Variants in ADAMTS16 observed in about 807,000 individuals in gnomAD.
The protein encoded by ADAMTS16 is A disintegrin and metalloproteinase with thrombospondin motifs 16.
Under a neutral mutation model 145.8 loss-of-function variants are expected in ADAMTS16, and 94 were observed. That is an observed-to-expected ratio of 0.64 (90% CI 0.55 to 0.77). The LOEUF (loss-of-function observed/expected upper bound fraction) is 0.77. ADAMTS16 is among the 30% of genes least tolerant of loss of function. The pLI, the probability that ADAMTS16 is intolerant of heterozygous loss-of-function variation, is 0.00. For synonymous variants in ADAMTS16, 659 were observed against 604.3 expected (o/e 1.09, Z -1.33); for missense variants, 1,585 against 1,591.5 (o/e 1.00, Z 0.07).
chr5:5,141,395 C>A (rs1401941489), intron 2 of ADAMTS16, among the ~76,000 whole-genome samples: 3 of 152,188 alleles, frequency 2.0e-5, no homozygotes, highest in African/African-American at 7.2e-5. Context: ...TTTTTCAATG[C>A]ATGCTTTTAC....
chr5:5,293,746 G>C (rs574105937), intron 18 of ADAMTS16, among the ~76,000 whole-genome samples: 199 of 152,350 alleles, frequency 1.3e-3, no homozygotes, highest in Non-Finnish European at 1.9e-3. Flanking sequence ...GCCAAATTGA[G>C]CGTTTGGTAA....
At chr5:5,234,409 G>T (rs1737031523) in intron 12 of ADAMTS16, among the ~76,000 whole-genome samples, 1 of 152,180 alleles carries the variant, frequency 6.6e-6, no homozygotes, top group African/African-American at 2.4e-5. Flanking sequence ...CCCTGTGCAG[G>T]GTGAGGACAG....
At chr5:5,169,437 C>T (rs1232021565) in intron 3 of ADAMTS16, among the ~76,000 whole-genome samples, 1 of 152,116 alleles carries the variant, frequency 6.6e-6, no homozygotes, top group Non-Finnish European at 1.5e-5. Context: ...ATTTTGTTTT[C>T]CATGTTAGTT....
intron 11 of ADAMTS16, among the ~76,000 whole-genome samples, chr5:5,225,619 G>C (rs948110801): frequency 1.3e-5 from 2 of 151,270 alleles, no homozygotes; most frequent in African/African-American, 4.9e-5. Context: ...AAAAAGGAAA[G>C]AGGAGCAAAG....
chr5:5,168,145 T>A (rs1734932125), intron 3 of ADAMTS16, among the ~76,000 whole-genome samples: 1 of 152,120 alleles, frequency 6.6e-6, no homozygotes, highest in African/African-American at 2.4e-5. Context: ...CAATACTTAT[T>A]ATGATGACAT....
At chr5:5,267,365 C>A (rs1189706159) in intron 18 of ADAMTS16, among the ~76,000 whole-genome samples, 1 of 152,118 alleles carries the variant, frequency 6.6e-6, no homozygotes, top group Non-Finnish European at 1.5e-5. Flanking sequence ...CCTTGGTGTG[C>A]TGGAAAAATT....
chr5:5,230,297 C>T (rs114211518), intron 11 of ADAMTS16, among the ~76,000 whole-genome samples: 3 of 152,036 alleles, frequency 2.0e-5, no homozygotes, highest in Non-Finnish European at 4.4e-5. Context: ...ATAAACGAAC[C>T]GTGTTTTGAT....
chr5:5,302,127 C>A (rs543269163), intron 18 of ADAMTS16, among the ~76,000 whole-genome samples: 1 of 152,106 alleles, frequency 6.6e-6, no homozygotes, highest in African/African-American at 2.4e-5. Context: ...GGGTGCACAC[C>A]AAGCCCTCCT....
intron 11 of ADAMTS16, chr5:5,223,145 G>A (rs1456998581): frequency 2.1e-6 from 1 of 471,958 alleles, no homozygotes; most frequent in African/African-American, 1.9e-5. Context: ...GACAGATTCA[G>A]TCTATTGAGG....
Position 5,211,729 on chromosome 5 carries a change from A to G in ADAMTS16, c.1605+2483A>G, listed in dbSNP as rs190470988. 4.0e-4 allele frequency among the ~76,000 whole-genome samples: 61 copies of G among 152,266 alleles called. 1 individual carries two copies. The highest frequency in any genetic ancestry group is 1.2e-3 in the African/African-American group (49 of 41,582). Reference sequence around the variant, plus strand: ...TCTAAGCACATTAGCTGTATCCTGAAAATGTTTACATACTGGGTTTTTAAT... The same window carrying G: ...TCTAAGCACATTAGCTGTATCCTGAGAATGTTTACATACTGGGTTTTTAAT... On this transcript the variant is annotated intron_variant, in intron 10 of 22. Coordinates refer to ENST00000274181, the MANE Select transcript of ADAMTS16 (RefSeq NM_139056.4).
chr5:5,217,267 T>C (rs1024843044), intron 10 of ADAMTS16, among the ~76,000 whole-genome samples: 6 of 151,954 alleles, frequency 3.9e-5, no homozygotes, highest in Admixed American at 3.9e-4. Flanking sequence ...AACCTAGGCA[T>C]TACCATTCAG....
chr5:5,285,027 C>G (rs552092110), intron 18 of ADAMTS16, among the ~76,000 whole-genome samples: 1 of 152,200 alleles, frequency 6.6e-6, no homozygotes, highest in Non-Finnish European at 1.5e-5. Flanking sequence ...GAGATGTTCA[C>G]AGTTTGTCAG....
At chr5:5,246,788 C>A (rs999896910) in intron 17 of ADAMTS16, among the ~76,000 whole-genome samples, 1 of 152,066 alleles carries the variant, frequency 6.6e-6, no homozygotes, top group Non-Finnish European at 1.5e-5. Context: ...CTTAAATGTG[C>A]GAGCCGCTAT....
rs150739179 is a variant in ADAMTS16 at position 5,207,884 on chromosome 5, C to T, written c.1452-1209C>T. ...AGACCTAGGATTAATCCCACTTGGTCATAGTATATAGTTCTTCTCATGCAT... is the reference window on the plus strand; with the variant it reads ...AGACCTAGGATTAATCCCACTTGGTTATAGTATATAGTTCTTCTCATGCAT... On this transcript the variant is annotated intron_variant, in intron 9 of 22. Transcript: ENST00000274181. 2.6e-5 allele frequency among the ~76,000 whole-genome samples: 4 copies of T among 152,174 alleles called. No individual in the cohort carries two copies. The East Asian group carries it at 7.7e-4, about 29-fold the overall frequency.
chr5:5,297,233 A>C (rs1333345054), intron 18 of ADAMTS16, among the ~76,000 whole-genome samples: 2 of 152,186 alleles, frequency 1.3e-5, no homozygotes, highest in African/African-American at 4.8e-5. Flanking sequence ...AGGTGTCTGT[A>C]AGCAATGGCG....
chr5:5,153,386 A>G (rs1032319515), intron 3 of ADAMTS16, among the ~76,000 whole-genome samples: 7 of 152,228 alleles, frequency 4.6e-5, no homozygotes, highest in African/African-American at 1.7e-4. Context: ...CTTGTTAAAC[A>G]TTAACCTAAA....
chr5:5,250,722 T>TGTGTGTGTGTGTGC (rs1737597646), intron 17 of ADAMTS16, among the ~76,000 whole-genome samples: 1 of 150,306 alleles, frequency 6.7e-6, no homozygotes, highest in Non-Finnish European at 1.5e-5. Context: ...TGTGTGTGTG[T>TGTGTGTGTGTGTGC]GTGTGTGTGT....
intron 21 of ADAMTS16, among the ~76,000 whole-genome samples, chr5:5,311,766 T>C (rs1034082618): frequency 2.0e-5 from 3 of 151,512 alleles, no homozygotes; most frequent in Non-Finnish European, 2.9e-5. Flanking sequence ...AGTCTCACTT[T>C]GTCACCCAGG....
rs992350355 is a variant in ADAMTS16, at chr5:5,155,609, G to A, written c.501+9154G>A. On this transcript the variant is annotated intron_variant, in intron 3 of 22. Transcript: ENST00000274181. Reference sequence around the variant, plus strand: ...CTGGGCCTCAAATCCCTTAGTAGTAGGAGCTAGCTGGTGCTAGGACTCTGA... The same window carrying A: ...CTGGGCCTCAAATCCCTTAGTAGTAAGAGCTAGCTGGTGCTAGGACTCTGA... Among the ~76,000 whole-genome samples, 4 of 152,180 alleles carry A rather than the reference G, an allele frequency of 2.6e-5. No homozygotes were observed. The South Asian group carries it at 6.2e-4, about 24-fold the overall frequency.
Sources: allele counts gnomAD v4.1 joint callset (sites outside exome capture counted in the v4.1 genomes callset), GRCh38; gene constraint gnomAD v4.1.1; transcripts MANE v1.5; gene names NCBI Gene and HGNC (gene_info 2026-07-23, HGNC 2026-07-21).